The following TSNARE1 variants were observed in gnomAD, a reference collection of about 807,000 sequenced individuals.
TSNARE1 encodes the protein t-SNARE domain containing 1, also known as t-SNARE domain-containing protein 1.
A neutral mutation model predicts 62.0 loss-of-function variants in TSNARE1; 49 were observed. The ratio of observed to expected loss-of-function variants is 0.79; its 90% confidence interval spans 0.63 to 1.00. The LOEUF (loss-of-function observed/expected upper bound fraction) is 1.00. Ranked by LOEUF, TSNARE1 falls within the 50% of genes least tolerant of loss-of-function variation. The pLI, the probability that TSNARE1 is intolerant of heterozygous loss-of-function variation, is 0.00. For synonymous variants in TSNARE1, 328 were observed against 294.4 expected (o/e 1.11, Z -1.17); for missense variants, 755 against 700.1 (o/e 1.08, Z -0.88).
intron 6 of TSNARE1, 52 bp downstream of exon 6, chr8:142,330,849 C>T (rs1187446985): frequency 6.3e-7 from 1 of 1,590,226 alleles, no homozygotes; most frequent in African/African-American, 1.3e-5. Flanking sequence ...CGCCCCTGCC[C>T]CCCAATGTGC....
chr8:142,331,652 G>A (rs1831052808), intron 5 of TSNARE1, 102 bp downstream of exon 5: 2 of 1,147,726 alleles, frequency 1.7e-6, no homozygotes, highest in African/African-American at 1.5e-5. Flanking sequence ...ACCGCAGGAT[G>A]GCCTGAGGGG....
At chr8:142,220,613 C>G (rs931853544) in intron 13 of TSNARE1, among the ~76,000 whole-genome samples, 1 of 152,216 alleles carries the variant, frequency 6.6e-6, no homozygotes, top group Non-Finnish European at 1.5e-5. Context: ...GCTTCTGATC[C>G]GCTCAGCACA....
upstream of TSNARE1, chr8:142,406,830 CACG>C (rs924283754): frequency 6.6e-6 from 1 of 152,210 alleles, no homozygotes; most frequent in African/African-American, 2.4e-5. Context: ...CATGAGGGGA[CACG>C]TGGGAGTCTC....
chr8:142,311,288 T>C (rs1003720935), intron 9 of TSNARE1, among the ~76,000 whole-genome samples: 24 of 132,962 alleles, frequency 1.8e-4, no homozygotes, highest in African/African-American at 7.0e-4. Flanking sequence ...TCAGCCTCTC[T>C]AGTTTTTTTT....
At chr8:142,231,824 C>A (rs917501985) in intron 12 of TSNARE1, among the ~76,000 whole-genome samples, 1 of 152,220 alleles carries the variant, frequency 6.6e-6, no homozygotes, top group South Asian at 2.1e-4. Flanking sequence ...TGGAGCTGGG[C>A]ACCCAGCCAC....
intron 1 of TSNARE1, among the ~76,000 whole-genome samples, chr8:142,363,304 C>T (rs150731907): frequency 6.6e-6 from 1 of 152,270 alleles, no homozygotes; most frequent in African/African-American, 2.4e-5. Context: ...GCTGGCCCTG[C>T]CCTCTGTAAG....
At chr8:142,277,582 G>T (rs1820715690) in intron 11 of TSNARE1, 2 of 985,406 alleles carry the variant, frequency 2.0e-6, no homozygotes, top group African/African-American at 3.5e-5. Flanking sequence ...CCTACTTCCT[G>T]CCTCTGCGCC....
At chr8:142,394,006 C>T (rs766352537) in intron 1 of TSNARE1, among the ~76,000 whole-genome samples, 3 of 152,228 alleles carry the variant, frequency 2.0e-5, no homozygotes, top group African/African-American at 2.4e-5. Flanking sequence ...ATGTTCATTA[C>T]GAAAGCAAAA....
At chr8:142,225,804 G>A (rs768985497) in intron 13 of TSNARE1, among the ~76,000 whole-genome samples, 1 of 152,346 alleles carries the variant, frequency 6.6e-6, no homozygotes, top group East Asian at 1.9e-4. Flanking sequence ...ACCAAGTACC[G>A]TATGCGGGCG....
chr8:142,361,065 G>A (rs539102265), intron 1 of TSNARE1, among the ~76,000 whole-genome samples: 16 of 152,346 alleles, frequency 1.1e-4, no homozygotes, highest in South Asian at 6.2e-4. Context: ...AGAGCAGGTC[G>A]CCCACAGGGC....
chr8:142,277,758 A>AG, intron 11 of TSNARE1: 1 of 985,412 alleles, frequency 1.0e-6, no homozygotes, highest in Non-Finnish European at 1.2e-6. Context: ...CTGATCCACC[A>AG]GGGGTCACAG....
At chr8:142,384,797 A>G (rs1837001158) in intron 1 of TSNARE1, among the ~76,000 whole-genome samples, 1 of 152,214 alleles carries the variant, frequency 6.6e-6, no homozygotes, top group African/African-American at 2.4e-5. Flanking sequence ...TATGACAGAC[A>G]CCAAAAGCAC....
chr8:142,247,178 T>A (rs1327353263), intron 12 of TSNARE1, among the ~76,000 whole-genome samples: 2 of 152,024 alleles, frequency 1.3e-5, no homozygotes, highest in African/African-American at 2.4e-5. Context: ...ACTCCAGACC[T>A]ATAGATCCAC....
intron 11 of TSNARE1, chr8:142,278,445 A>G (rs1820853976): frequency 2.0e-6 from 2 of 985,418 alleles, no homozygotes; most frequent in Admixed American, 6.1e-5. Context: ...CTTCGTTCCC[A>G]AAGTCCTTCC....
chr8:142,335,475 C>A (rs193048613), intron 4 of TSNARE1, among the ~76,000 whole-genome samples: 7 of 151,994 alleles, frequency 4.6e-5, no homozygotes, highest in South Asian at 4.2e-4. Flanking sequence ...AGGCGGGCTG[C>A]GGAAAGTTAA....
intron 13 of TSNARE1, among the ~76,000 whole-genome samples, chr8:142,216,755 T>C (rs1045350420): frequency 2.0e-5 from 3 of 152,210 alleles, no homozygotes; most frequent in African/African-American, 4.8e-5. Flanking sequence ...GCTGTCCTCA[T>C]ATCTGTAAAA....
chr8:142,364,175 T>C (rs1188811693), intron 1 of TSNARE1, among the ~76,000 whole-genome samples: 1 of 152,196 alleles, frequency 6.6e-6, no homozygotes, highest in African/African-American at 2.4e-5. Context: ...GCGCTCTCCC[T>C]GCACTGGCAC....
At chr8:142,404,006 G>A (rs1587187787), upstream of TSNARE1, 1 of 152,408 alleles carries the variant, frequency 6.6e-6, no homozygotes, top group Non-Finnish European at 1.5e-5. Context: ...TTCCCCAGAG[G>A]TGAACCAAGA....
intron 9 of TSNARE1, among the ~76,000 whole-genome samples, chr8:142,309,189 G>C (rs907490201): frequency 4.6e-5 from 7 of 152,016 alleles, no homozygotes; most frequent in Non-Finnish European, 1.0e-4. Context: ...AGGTGCGTTC[G>C]GATTTTCCAT....
Sources: gnomAD v4.1 joint callset for allele counts (sites outside exome capture counted in the v4.1 genomes callset) on GRCh38, gnomAD v4.1.1 for gene constraint, MANE v1.5 for transcripts, NCBI Gene and HGNC (gene_info 2026-07-23, HGNC 2026-07-21) for gene names.